Variants in COL6A5 observed in about 807,000 individuals in gnomAD.
The protein encoded by COL6A5 is collagen alpha-5(VI) chain.
Under a neutral mutation model 65.6 loss-of-function variants are expected in COL6A5, and 48 were observed. That is an observed-to-expected ratio of 0.73 (90% CI 0.58 to 0.93). The LOEUF is 0.93. Among genes scored for constraint, COL6A5 ranks in the 40% least tolerant of loss-of-function variants. The probability of loss-of-function intolerance (pLI) is 0.00; values close to 1 mark genes in which losing one functional copy is unlikely to be tolerated. For synonymous variants in COL6A5, 291 were observed against 322.8 expected, an observed-to-expected ratio of 0.90 and a Z score of 1.05; for missense variants, 914 against 928.3, an observed-to-expected ratio of 0.98 and a Z score of 0.20.
intron 6 of COL6A5, 27 bp from the exon 7 acceptor site, chr3:130,391,152 G>A (rs1936384518): frequency 2.0e-6 from 3 of 1,508,642 alleles, no homozygotes; most frequent in Non-Finnish European, 2.7e-6. Flanking sequence ...CAGAAAGTTT[G>A]TGACTCCTGT....
At chr3:130,471,182 T>C (rs322115) in intron 7 of COL6A5, among the ~76,000 whole-genome samples, 2 of 151,576 alleles carry the variant, frequency 1.3e-5, no homozygotes, top group Admixed American at 6.6e-5. Context: ...TGAAAGAACT[T>C]TGCTTCCATT....
At chr3:130,358,291 A>T (rs1042368146) in intron 1 of COL6A5, among the ~76,000 whole-genome samples, 3 of 152,200 alleles carry the variant, frequency 2.0e-5, no homozygotes, top group African/African-American at 7.2e-5. Flanking sequence ...TAATAATAAA[A>T]GGTATATACA....
intron 23 of COL6A5, among the ~76,000 whole-genome samples, chr3:130,416,401 G>A (rs1460745528): frequency 2.0e-5 from 3 of 152,082 alleles, no homozygotes; most frequent in African/African-American, 2.4e-5. Context: ...CATATGGTAC[G>A]GGCACAAAGG....
intron 18 of COL6A5, 79 bp from the exon 19 acceptor site, chr3:130,409,930 A>G: frequency 3.2e-6 from 3 of 951,772 alleles, no homozygotes; most frequent in East Asian, 2.6e-5. Flanking sequence ...AAATTAGCTT[A>G]GTACTTGAAC....
chr3:130,397,946 C>T (rs925762589), intron 9 of COL6A5, 23 bp downstream of exon 9: 1 of 1,545,274 alleles, frequency 6.5e-7, no homozygotes, highest in African/African-American at 1.4e-5. Context: ...CATTCTATCT[C>T]CCATCTCCAC....
chr3:130,475,086 A>C (rs1710061425), intron 7 of COL6A5, among the ~76,000 whole-genome samples: 1 of 151,472 alleles, frequency 6.6e-6, no homozygotes, highest in Non-Finnish European at 1.5e-5. Flanking sequence ...TTAATTATGC[A>C]ATTATACAAA....
intron 20 of COL6A5, 107 bp downstream of exon 20, chr3:130,410,631 T>G (rs748337875): frequency 3.7e-5 from 34 of 909,594 alleles, no homozygotes; most frequent in Non-Finnish European, 5.0e-5. Context: ...CTGAAATATT[T>G]TTCAGGGCTT....
chr3:130,431,001 C>A (rs1391050), upstream of COL6A5, among the ~76,000 whole-genome samples: 97,356 of 152,096 alleles, frequency 0.64, 32,044 homozygotes, highest in Non-Finnish European at 0.72. Flanking sequence ...TAGATCATTT[C>A]AGAAGATTTT....
intron 1 of COL6A5, among the ~76,000 whole-genome samples, chr3:130,347,317 T>G (rs934322479): frequency 1.3e-5 from 2 of 151,952 alleles, no homozygotes; most frequent in Non-Finnish European, 2.9e-5. Context: ...CTATTATTAA[T>G]ATGTTAAAGC....
At position 130,376,377 on chromosome 3, in the gene COL6A5, G is replaced by A; in HGVS notation, c.208G>A (p.Ala70Thr). Reference sequence around the variant, plus strand: ...CATAGAGGCCAACAAATACCGTGTAGCCCTGGCCCAGTACAGCGACGAGTT... The same window carrying A: ...CATAGAGGCCAACAAATACCGTGTAACCCTGGCCCAGTACAGCGACGAGTT... The change falls in exon 3 of 42, where the codon GCC becomes ACC. Residue 70 changes from alanine to threonine, a missense_variant and NMD_transcript_variant. By Grantham distance (58) the Ala-to-Thr change is moderately conservative (BLOSUM62 0). Transcript: ENST00000312481. The A allele has an allele frequency of 6.2e-7, 1 of 1,613,676 alleles. No individual in the cohort carries two copies. Among genetic ancestry groups the A allele is most frequent in the Non-Finnish European group, 8.5e-7 (1 of 1,179,754 alleles).
intron 7 of COL6A5, 100 bp downstream of exon 7, chr3:130,391,854 A>G: frequency 1.1e-6 from 1 of 885,976 alleles, no homozygotes; most frequent in Non-Finnish European, 1.7e-6. Context: ...GATGTTATGG[A>G]CTGAACATTT....
Position 130,398,127 on chromosome 3 carries a change from T to C in COL6A5, c.3991+16T>C. On this transcript the variant is annotated intron_variant and NMD_transcript_variant, in intron 10 of 41. Transcript: ENST00000312481. ...AGAGAAGCAGGTATTGAGTTGTTGTTGTTTTTTTTTTTTTTTTTTTTGAGA... is the reference window on the plus strand; with the variant it reads ...AGAGAAGCAGGTATTGAGTTGTTGTCGTTTTTTTTTTTTTTTTTTTTGAGA... The C allele has an allele frequency of 7.3e-7, 1 of 1,379,006 alleles. No homozygotes were observed. Among genetic ancestry groups the C allele is most frequent in the South Asian group, 1.4e-5 (1 of 71,324 alleles). The allele number at this position is 1,379,006 out of a possible 1,614,324, so 85.4% of individuals were successfully genotyped here.
At chr3:130,471,269 C>T (rs1437539904) in intron 7 of COL6A5, among the ~76,000 whole-genome samples, 2 of 151,980 alleles carry the variant, frequency 1.3e-5, no homozygotes, top group Non-Finnish European at 2.9e-5. Flanking sequence ...ATATTGGGTA[C>T]TGCCAAAACA....
At chr3:130,395,074 G>T (rs1936546459) in exon 8 of COL6A5, 4 of 1,551,612 alleles carry the variant, frequency 2.6e-6, no homozygotes, top group South Asian at 1.2e-5. Context: ...TTATTGAGTT[G>T]AAAAACTCTC....
At position 130,422,580 on chromosome 3, in the gene COL6A5, G is replaced by C. The variant is rs1577494057; in HGVS notation, c.5038-140G>C. 3 of 530,502 alleles carry C rather than the reference G, an allele frequency of 5.7e-6. No homozygotes were observed. In the East Asian group the frequency reaches 1.0e-4, roughly 18 times the overall value. 32.9% of individuals were successfully genotyped at this position (530,502 alleles called of 1,614,324 possible). Reference sequence around the variant, plus strand: ...GACTTAGTTCCAAATGACAGGAAAAGATGACATTTAATGTTGTATTGGCCT... The same window carrying C: ...GACTTAGTTCCAAATGACAGGAAAACATGACATTTAATGTTGTATTGGCCT... On this transcript the variant is annotated intron_variant and NMD_transcript_variant, in intron 27 of 41. Coordinates refer to the COL6A5 transcript ENST00000312481.
At chr3:130,370,547 T>C (rs985760055) in intron 1 of COL6A5, among the ~76,000 whole-genome samples, 4 of 152,154 alleles carry the variant, frequency 2.6e-5, no homozygotes, top group Non-Finnish European at 5.9e-5. Flanking sequence ...CATATATTAC[T>C]TGCCAAGGGA....
chr3:130,412,568 T>C (rs1302203002), intron 20 of COL6A5, among the ~76,000 whole-genome samples: 2 of 152,194 alleles, frequency 1.3e-5, no homozygotes, highest in Non-Finnish European at 2.9e-5. Flanking sequence ...GAAGACAGAA[T>C]TGTGATGTTA....
At chr3:130,374,815 A>G (rs1203232569) in intron 2 of COL6A5, among the ~76,000 whole-genome samples, 1 of 152,088 alleles carries the variant, frequency 6.6e-6, no homozygotes, top group Non-Finnish European at 1.5e-5. Flanking sequence ...CTGAAATGTC[A>G]TTATGTCGTT....
chr3:130,447,978 A>G (rs1709346704), intron 4 of COL6A5, among the ~76,000 whole-genome samples: 1 of 152,218 alleles, frequency 6.6e-6, no homozygotes, highest in South Asian at 2.1e-4. Context: ...AATAATGCCA[A>G]TAAAATCAGC....
Sources: allele counts gnomAD v4.1 joint callset (sites outside exome capture counted in the v4.1 genomes callset), GRCh38; gene constraint gnomAD v4.1.1; transcripts MANE v1.5; gene names NCBI Gene and HGNC (gene_info 2026-07-23, HGNC 2026-07-21).